The following SLC39A12 variants were observed in gnomAD, a reference collection of about 807,000 sequenced individuals.
The protein encoded by SLC39A12 is solute carrier family 39 member 12, also known as zinc transporter ZIP12.
A neutral mutation model predicts 71.1 loss-of-function variants in SLC39A12; 63 were observed. The observed-to-expected ratio is 0.89, with a 90% CI of 0.72 to 1.09. The LOEUF is 1.09. Ranked by LOEUF, SLC39A12 falls within the 50% of genes least tolerant of loss-of-function variation. The probability of loss-of-function intolerance (pLI) is 0.00; values close to 1 mark genes in which losing one functional copy is unlikely to be tolerated. For missense variants in SLC39A12, 892 were observed against 812.6 expected (o/e 1.10, Z -1.19); for synonymous variants, 351 against 301.3 (o/e 1.16, Z -1.71).
At chr10:18,029,596 G>A (rs1422347200) in intron 12 of SLC39A12, among the ~76,000 whole-genome samples, 1 of 152,090 alleles carries the variant, frequency 6.6e-6, no homozygotes, top group African/African-American at 2.4e-5. Context: ...CTGCTAAAAT[G>A]TCCTTCTTTT....
At chr10:18,010,430 A>G (rs1350716310) in intron 12 of SLC39A12, 1 of 152,218 alleles carries the variant, frequency 6.6e-6, no homozygotes, top group African/African-American at 2.4e-5. Context: ...TGAGAAAGAA[A>G]TAGCAAGCAT....
rs1407016526 is a variant in SLC39A12 at position 18,000,660 on chromosome 10, T to C, written c.1601-7T>C. On this transcript the variant is annotated splice_region_variant and splice_polypyrimidine_tract_variant and intron_variant, in intron 10 of 12. Transcript: ENST00000377369. ...AATGCTTCTTCTGTGTTTATTTGGTTCCTTAGGTAAAGCCATTAGCTTGTT... is the reference window on the plus strand; with the variant it reads ...AATGCTTCTTCTGTGTTTATTTGGTCCCTTAGGTAAAGCCATTAGCTTGTT... The C allele has an allele frequency of 3.7e-6, 6 of 1,614,022 alleles. No individual in the cohort carries two copies. The South Asian group carries it at 5.5e-5, about 15-fold the overall frequency.
intron 12 of SLC39A12, among the ~76,000 whole-genome samples, chr10:18,041,584 A>T (rs1837229811): frequency 1.5e-5 from 2 of 133,690 alleles, no homozygotes; most frequent in African/African-American, 5.9e-5. Flanking sequence ...ACATACATAC[A>T]CACACCATAT....
In SLC39A12 at chr10:17,977,990, C is replaced by T; in HGVS notation, c.840C>T (p.Asn280=). 6.2e-7 allele frequency: 1 copy of T among 1,610,868 alleles called. No individual in the cohort carries two copies. The highest frequency in any genetic ancestry group is 1.1e-5 in the South Asian group (1 of 90,556). ...KIHQFQRKQN[N]IITHDQDYSN... is the part of the protein sequence containing the mutation. ...ATCAATTTCAAAGGAAACAAAACAA[C>T]ATAATAACCCATGATCAGGACTATT... Residue 280 remains asparagine (N), a synonymous_variant, in exon 5 of 13, where the codon AAC becomes AAT. Coordinates refer to ENST00000377369, the MANE Select transcript of SLC39A12 (RefSeq NM_001145195.2).
At chr10:17,979,809 G>A (rs1470121238) in intron 5 of SLC39A12, among the ~76,000 whole-genome samples, 5 of 152,136 alleles carry the variant, frequency 3.3e-5, no homozygotes, top group African/African-American at 1.2e-4. Context: ...CTAAATGGAT[G>A]CCTGACCCAA....
chr10:18,025,236 A>AT (rs34486261), intron 12 of SLC39A12, among the ~76,000 whole-genome samples: 3 of 151,266 alleles, frequency 2.0e-5, no homozygotes, highest in South Asian at 2.1e-4. Context: ...TTTTATTTTT[A>AT]TTTTTTTTTA....
chr10:17,996,658 T>C (rs1835690064), intron 10 of SLC39A12, among the ~76,000 whole-genome samples: 1 of 152,182 alleles, frequency 6.6e-6, no homozygotes, highest in Non-Finnish European at 1.5e-5. Flanking sequence ...AAATCACTGC[T>C]CAAGATTATA....
chr10:18,039,756 T>G (rs1297809375), intron 12 of SLC39A12, among the ~76,000 whole-genome samples: 1 of 152,142 alleles, frequency 6.6e-6, no homozygotes, highest in Non-Finnish European at 1.5e-5. Flanking sequence ...ATTGGAAAAT[T>G]CCCATGTATG....
At chr10:17,962,309 C>T (rs1554848505) in intron 3 of SLC39A12, among the ~76,000 whole-genome samples, 1 of 152,156 alleles carries the variant, frequency 6.6e-6, no homozygotes, top group Admixed American at 6.5e-5. Context: ...AAGCAGCTTG[C>T]AAAAAGCATT....
At chr10:17,977,157 A>G (rs1221827711) in intron 4 of SLC39A12, among the ~76,000 whole-genome samples, 1 of 151,988 alleles carries the variant, frequency 6.6e-6, no homozygotes, top group Non-Finnish European at 1.5e-5. Flanking sequence ...CATTTATATA[A>G]TTTAGATTTC....
At chr10:18,038,095 C>T (rs2488130) in intron 12 of SLC39A12, among the ~76,000 whole-genome samples, 115,137 of 142,386 alleles carry the variant, frequency 0.81, 46,928 homozygotes, top group African/African-American at 0.92. Context: ...TCCATTATTT[C>T]GATTAAAAAA....
chr10:17,966,149 C>T (rs1834820547), intron 4 of SLC39A12, among the ~76,000 whole-genome samples: 2 of 152,210 alleles, frequency 1.3e-5, no homozygotes, highest in Admixed American at 6.5e-5. Context: ...TGCTGCATTC[C>T]TGACTACCTT....
At chr10:18,039,294 C>G (rs935421675) in intron 12 of SLC39A12, among the ~76,000 whole-genome samples, 3 of 152,100 alleles carry the variant, frequency 2.0e-5, no homozygotes, top group African/African-American at 7.2e-5. Context: ...AAGGTTTGAG[C>G]CTGTAAATGA....
intron 12 of SLC39A12, among the ~76,000 whole-genome samples, chr10:18,042,416 C>G (rs1260071814): frequency 2.0e-5 from 3 of 148,562 alleles, no homozygotes; most frequent in Non-Finnish European, 4.4e-5. Context: ...GTGATCGCAG[C>G]CATTGCACTC....
At chr10:17,979,926 A>G (rs1196843183) in intron 5 of SLC39A12, among the ~76,000 whole-genome samples, 2 of 152,214 alleles carry the variant, frequency 1.3e-5, no homozygotes, top group East Asian at 1.9e-4. Context: ...GTTGGGGCTT[A>G]TATGGCTGTG....
At chr10:18,014,989 T>C (rs745938706) in intron 12 of SLC39A12, among the ~76,000 whole-genome samples, 3 of 152,182 alleles carry the variant, frequency 2.0e-5, no homozygotes, top group Non-Finnish European at 4.4e-5. Flanking sequence ...ACTAGCAAGA[T>C]GGCTAGATGA....
chr10:17,985,174 C>A (rs1339252783), intron 6 of SLC39A12, among the ~76,000 whole-genome samples: 1 of 152,094 alleles, frequency 6.6e-6, no homozygotes, highest in Non-Finnish European at 1.5e-5. Flanking sequence ...GGAACCCCGT[C>A]TCTACTAAAA....
intron 12 of SLC39A12, among the ~76,000 whole-genome samples, chr10:18,028,996 A>G (rs1836759763): frequency 6.6e-6 from 1 of 151,880 alleles, no homozygotes; most frequent in Admixed American, 6.6e-5. Flanking sequence ...CTGGGATTAC[A>G]GGCGTGAGCC....
Position 17,953,405 on chromosome 10 carries a change from G to C in SLC39A12, c.129G>C (p.Pro43=). The change falls in exon 2 of 13, where the codon CCG becomes CCC. Residue 43 remains proline (P), a synonymous_variant. Coordinates refer to ENST00000377369, the MANE Select transcript of SLC39A12 (RefSeq NM_001145195.2). ...GAAGCCGTGGGAGTTCAGGCCAACC[G>C]GCAGACCTGCTACAGGTTCTCTCTG... The part of the protein sequence containing the change: ...DSRSRGSSGQ[P]ADLLQVLSAG... 1 of 1,614,078 alleles carries C rather than the reference G, an allele frequency of 6.2e-7. No individual in the cohort carries two copies. The highest frequency in any genetic ancestry group is 1.1e-5 in the South Asian group (1 of 91,072).
Sources: allele counts gnomAD v4.1 joint callset (sites outside exome capture counted in the v4.1 genomes callset), GRCh38; gene constraint gnomAD v4.1.1; transcripts MANE v1.5; gene names NCBI Gene and HGNC (gene_info 2026-07-23, HGNC 2026-07-21).